RBMS2: variants seen among roughly 807,000 people sequenced by gnomAD.
The protein encoded by RBMS2 is RNA binding motif single stranded interacting protein 2.
In RBMS2, 38 loss-of-function variants were observed where a neutral mutation model predicts 58.4. That is an observed-to-expected ratio of 0.65 (90% confidence interval 0.50 to 0.85). The LOEUF (loss-of-function observed/expected upper bound fraction) is 0.85, where lower values mean the gene tolerates loss of function less well. RBMS2 is among the 40% of genes least tolerant of loss of function. The probability of loss-of-function intolerance (pLI) is 0.00; values close to 1 mark genes in which losing one functional copy is unlikely to be tolerated. For missense variants in RBMS2, 367 were observed against 503.7 expected (o/e 0.73, Z 2.60); for synonymous variants, 151 against 180.7 (o/e 0.84, Z 1.32).
chr12:56,595,098 T>C lies in RBMS2; in HGVS notation c.*5965T>C, dbSNP rs996216353. The C allele has an allele frequency of 8.7e-4, 133 of 152,276 alleles. No homozygotes were observed. The highest frequency in any genetic ancestry group is 3.0e-3 in the African/African-American group (124 of 41,510). The allele number at this position is 152,276 out of a possible 1,614,324, so 9.4% of individuals were successfully genotyped here. ...AGTGACGGCTTAGGGTAATAAGTAA[T>C]GGTTGGAGGACACCAGCATAGGAGC... On this transcript the variant is annotated 3_prime_UTR_variant, in exon 14 of 14. Coordinates refer to ENST00000262031, the MANE Select transcript of RBMS2 (RefSeq NM_002898.4).
chr12:56,569,707 C>G (rs1218246280), intron 3 of RBMS2, among the ~76,000 whole-genome samples, 192 bp from the exon 4 acceptor site: 24 of 152,134 alleles, frequency 1.6e-4, no homozygotes, highest in Non-Finnish European at 2.9e-5. Context: ...CCTTGGCATT[C>G]TTAGCCACAA....
At chr12:56,552,295 G>T (rs988423019) in intron 1 of RBMS2, among the ~76,000 whole-genome samples, 1 of 152,192 alleles carries the variant, frequency 6.6e-6, no homozygotes, top group African/African-American at 2.4e-5. Context: ...CTTTGGATCT[G>T]CCAGTGAAAC....
chr12:56,555,884 A>T (rs1005575518), intron 1 of RBMS2, among the ~76,000 whole-genome samples: 1 of 151,836 alleles, frequency 6.6e-6, no homozygotes, highest in East Asian at 1.9e-4. Context: ...GCCACCACAA[A>T]TGTTTTTTAA....
intron 5 of RBMS2, among the ~76,000 whole-genome samples, chr12:56,577,578 G>T (rs959789970): frequency 6.6e-6 from 1 of 151,614 alleles, no homozygotes; most frequent in Admixed American, 6.6e-5. Flanking sequence ...GGGCTCAAGT[G>T]ATCCTTACAC....
chr12:56,536,200 CAAAAAAAAAAAA>C (rs71446560), intron 1 of RBMS2, among the ~76,000 whole-genome samples: 1 of 76,422 alleles, frequency 1.3e-5, no homozygotes, highest in African/African-American at 6.4e-5. Flanking sequence ...AACTCTGTCT[CAAAAAAAAAAAA>C]AAAAAAAAAA....
rs780654306 is a variant in RBMS2 at position 56,581,507 on chromosome 12, T to G, written c.731T>G (p.Met244Arg). 1.6e-5 allele frequency: 26 copies of G among 1,612,072 alleles called. No individual in the cohort carries two copies. The highest frequency in any genetic ancestry group is 1.0e-5 in the Non-Finnish European group (12 of 1,178,302). ...NGRAWPRNAD[M>R]GVMALTYDPT... ...CGGGCTTGGCCAAGGAATGCAGACA[T>G]GGTAAGAGGACCTCTGAGGAGACAG... The change falls in exon 7 of 14, where the codon ATG (methionine) becomes AGG (arginine). Residue 244 changes from methionine (M) to arginine (R), a missense_variant and splice_region_variant. Transcript: ENST00000262031.
chr12:56,587,696 C>A (rs768021560), intron 11 of RBMS2, 32 bp downstream of exon 11: 9 of 1,603,570 alleles, frequency 5.6e-6, no homozygotes, highest in Non-Finnish European at 7.7e-6. Flanking sequence ...TGTAAACTCT[C>A]CTACTGAGCA....
chr12:56,521,286 T>G (rs909629207), upstream of RBMS2, among the ~76,000 whole-genome samples: 14 of 151,936 alleles, frequency 9.2e-5, no homozygotes, highest in African/African-American at 3.4e-4. Flanking sequence ...AAAAATCAGC[T>G]GGGTGTGGTG....
intron 5 of RBMS2, among the ~76,000 whole-genome samples, chr12:56,578,239 G>A (rs1883429839): frequency 6.6e-6 from 1 of 151,660 alleles, no homozygotes; most frequent in South Asian, 2.1e-4. Context: ...GGCGATTCTT[G>A]TGCCTCAGCC....
intron 1 of RBMS2, among the ~76,000 whole-genome samples, chr12:56,538,422 T>A (rs1157215078): frequency 2.0e-5 from 3 of 151,416 alleles, no homozygotes; most frequent in African/African-American, 7.3e-5. Context: ...GATTTTGATA[T>A]GGATTACACT....
chr12:56,568,698 T>C (rs1285451698), intron 2 of RBMS2, among the ~76,000 whole-genome samples: 3 of 151,876 alleles, frequency 2.0e-5, no homozygotes, highest in African/African-American at 7.3e-5. Context: ...CCCAGCTAAT[T>C]TTTGTATTTT....
intron 1 of RBMS2, among the ~76,000 whole-genome samples, chr12:56,535,650 A>C (rs569631959): frequency 2.0e-5 from 3 of 152,184 alleles, no homozygotes; most frequent in Admixed American, 2.0e-4. Context: ...CTCCATTTAG[A>C]CATTTATTAG....
intron 6 of RBMS2, 36 bp from the exon 7 acceptor site, chr12:56,581,363 G>A: frequency 6.2e-7 from 1 of 1,603,830 alleles, no homozygotes; most frequent in Non-Finnish European, 8.5e-7. Flanking sequence ...CACATGAGGT[G>A]GGACTCAGCT....
At chr12:56,528,596 A>G (rs963692998) in intron 1 of RBMS2, among the ~76,000 whole-genome samples, 4 of 152,216 alleles carry the variant, frequency 2.6e-5, no homozygotes, top group East Asian at 1.9e-4. Flanking sequence ...TAAAGCCACA[A>G]TGAGATACCA....
chr12:56,562,086 G>T (rs991770847), intron 1 of RBMS2, among the ~76,000 whole-genome samples: 3 of 152,186 alleles, frequency 2.0e-5, no homozygotes, highest in Non-Finnish European at 4.4e-5. Context: ...GGGATTACAG[G>T]TGTGAGCCAC....
chr12:56,523,262 T>C (rs557669643), intron 1 of RBMS2, among the ~76,000 whole-genome samples: 98 of 152,188 alleles, frequency 6.4e-4, no homozygotes, highest in Admixed American at 3.0e-3. Flanking sequence ...GATGAACAAA[T>C]CCTGAGATCC....
At chr12:56,586,428 G>A (rs1380007019) in intron 9 of RBMS2, among the ~76,000 whole-genome samples, 1 of 152,018 alleles carries the variant, frequency 6.6e-6, no homozygotes, top group Non-Finnish European at 1.5e-5. Context: ...TCAAAAAATA[G>A]AAATAATAAT....
Position 56,552,735 on chromosome 12 carries a change from G to T in RBMS2, c.67-9682G>T, listed in dbSNP as rs373436058. Among the ~76,000 whole-genome samples, 4 of 151,838 alleles carry T rather than the reference G, an allele frequency of 2.6e-5. No individual in the cohort carries two copies. The South Asian group carries it at 8.4e-4, about 32-fold the overall frequency. ...CAAGTGCCTGTAGTCCCAGCTACTC[G>T]GGAGGCTGAGGTGGGAGGCTTGCTT... On this transcript the variant is annotated intron_variant, in intron 1 of 13. Coordinates refer to ENST00000262031, the MANE Select transcript of RBMS2 (RefSeq NM_002898.4).
At chr12:56,587,992 T>C (rs1884909809) in intron 11 of RBMS2, among the ~76,000 whole-genome samples, 1 of 152,204 alleles carries the variant, frequency 6.6e-6, no homozygotes, top group South Asian at 2.1e-4. Context: ...TCATTAGGTT[T>C]CTTTTAGGCC....
Sources: allele counts gnomAD v4.1 joint callset (sites outside exome capture counted in the v4.1 genomes callset), GRCh38; gene constraint gnomAD v4.1.1; transcripts MANE v1.5; gene names NCBI Gene and HGNC (gene_info 2026-07-23, HGNC 2026-07-21).